The following SGCD variants were observed in gnomAD, a reference collection of about 807,000 sequenced individuals.
SGCD encodes the protein delta-sarcoglycan.
A neutral mutation model predicts 36.6 loss-of-function variants in SGCD; 18 were observed. That is an observed-to-expected ratio of 0.49 (90% CI 0.34 to 0.73). SGCD has a LOEUF of 0.73. Ranked by LOEUF, SGCD falls within the 30% of genes least tolerant of loss-of-function variation. The pLI is 0.01. For synonymous variants in SGCD, 133 were observed against 130.6 expected (o/e 1.02, Z -0.12); for missense variants, 387 against 346.7 (o/e 1.12, Z -0.92).
At chr5:156,521,557 CAAA>C (rs1360092455) in intron 4 of SGCD, among the ~76,000 whole-genome samples, 1 of 152,082 alleles carries the variant, frequency 6.6e-6, no homozygotes, top group African/African-American at 2.4e-5. Flanking sequence ...AGACAGTTCT[CAAA>C]AGAAGGATGC....
At chr5:156,721,840 C>T (rs1342733518) in intron 7 of SGCD, among the ~76,000 whole-genome samples, 1 of 152,134 alleles carries the variant, frequency 6.6e-6, no homozygotes, top group Non-Finnish European at 1.5e-5. Context: ...TGGAAGTCCT[C>T]TTCTGATGGT....
At chr5:156,207,912 TG>T (rs1311465561) in intron 3 of SGCD, among the ~76,000 whole-genome samples, 12 of 152,184 alleles carry the variant, frequency 7.9e-5, no homozygotes, top group African/African-American at 2.9e-4. Flanking sequence ...CAGAATTGAC[TG>T]GTATGTTTAC....
intron 3 of SGCD, among the ~76,000 whole-genome samples, chr5:156,487,868 G>A (rs2312185): frequency 0.48 from 57,027 of 118,572 alleles, 13,474 homozygotes; most frequent in Middle Eastern, 0.64. Flanking sequence ...GCCCAAAAAA[G>A]AATTCAAAAT....
chr5:155,864,682 A>G, the SGCD span, among the ~76,000 whole-genome samples: 8 of 152,348 alleles, frequency 5.3e-5, no homozygotes, highest in South Asian at 8.3e-4. Flanking sequence ...ACCCAGCTAA[A>G]TGGTGGTATT....
At chr5:156,620,611 G>A (rs1304402317) in intron 6 of SGCD, among the ~76,000 whole-genome samples, 1 of 152,142 alleles carries the variant, frequency 6.6e-6, no homozygotes, top group Non-Finnish European at 1.5e-5. Flanking sequence ...AATGGATGGG[G>A]ACAGAGTTTG....
At position 156,365,654 on chromosome 5, in the gene SGCD, G is replaced by T. The variant is rs757540147; in HGVS notation, c.192+20977G>T. 6.2e-4 allele frequency among the ~76,000 whole-genome samples: 95 copies of T among 152,184 alleles called. 1 individual carries two copies. Among genetic ancestry groups the T allele is most frequent in the Admixed American group, 2.2e-3 (33 of 15,286 alleles). ...TACACAGATATACACAGAAGTATTTGTGTATCTGTGTATGCATAAATATGC... is the reference window on the plus strand; with the variant it reads ...TACACAGATATACACAGAAGTATTTTTGTATCTGTGTATGCATAAATATGC... On this transcript the variant is annotated intron_variant, in intron 3 of 8. Transcript: ENST00000337851.
At chr5:156,717,397 T>G (rs1755275018) in intron 7 of SGCD, among the ~76,000 whole-genome samples, 1 of 152,224 alleles carries the variant, frequency 6.6e-6, no homozygotes, top group African/African-American at 2.4e-5. Context: ...TGACGCTCCC[T>G]CATGCCTTGG....
chr5:156,736,079 C>T (rs1167686876), intron 7 of SGCD, among the ~76,000 whole-genome samples: 25 of 152,010 alleles, frequency 1.6e-4, no homozygotes, highest in Admixed American at 1.4e-3. Flanking sequence ...CCAGATGGGC[C>T]GTCGTCCTGC....
At chr5:156,027,973 G>C (rs924826222) in intron 1 of SGCD, among the ~76,000 whole-genome samples, 1 of 152,142 alleles carries the variant, frequency 6.6e-6, no homozygotes, top group Non-Finnish European at 1.5e-5. Context: ...GACAAAAAAG[G>C]GTGGACTCTG....
At chr5:156,189,457 G>A (rs1268299125) in intron 3 of SGCD, among the ~76,000 whole-genome samples, 1 of 152,194 alleles carries the variant, frequency 6.6e-6, no homozygotes, top group East Asian at 1.9e-4. Flanking sequence ...TAGTGATCAT[G>A]TAACAAAGCA....
intron 4 of SGCD, among the ~76,000 whole-genome samples, chr5:156,554,706 T>C (rs1403479876): frequency 1.3e-5 from 2 of 151,198 alleles, no homozygotes; most frequent in Non-Finnish European, 2.9e-5. Flanking sequence ...GCATCCATTG[T>C]GGATCTTTGA....
intron 1 of SGCD, among the ~76,000 whole-genome samples, chr5:156,047,650 G>A (rs974064794): frequency 3.3e-5 from 5 of 151,980 alleles, no homozygotes; most frequent in African/African-American, 4.8e-5. Flanking sequence ...AGCTTGGGGG[G>A]GAAAAAGTTC....
chr5:156,535,704 A>T (rs1217470438), intron 4 of SGCD, among the ~76,000 whole-genome samples: 1 of 152,220 alleles, frequency 6.6e-6, no homozygotes, highest in Non-Finnish European at 1.5e-5. Context: ...TTTTTACACA[A>T]TGATGAATTT....
chr5:155,804,958 G>T, the SGCD span, among the ~76,000 whole-genome samples: 2 of 152,188 alleles, frequency 1.3e-5, no homozygotes, highest in Non-Finnish European at 2.9e-5. Context: ...ACTTTCTGCA[G>T]TGTCCAGCAC....
chr5:155,868,400 G>C (rs138151908), upstream of SGCD, among the ~76,000 whole-genome samples: 2 of 107,774 alleles, frequency 1.9e-5, no homozygotes, highest in East Asian at 5.7e-4. Flanking sequence ...ATCTCACTAT[G>C]TTGACCAGGG....
At chr5:156,388,326 T>G (rs1469667170) in intron 3 of SGCD, among the ~76,000 whole-genome samples, 1 of 152,188 alleles carries the variant, frequency 6.6e-6, no homozygotes, top group Non-Finnish European at 1.5e-5. Flanking sequence ...CCTGGTTCAT[T>G]AGCAGAAAGA....
intron 3 of SGCD, among the ~76,000 whole-genome samples, chr5:156,267,520 G>A (rs923357018): frequency 1.3e-5 from 2 of 152,096 alleles, no homozygotes; most frequent in Non-Finnish European, 2.9e-5. Context: ...GCGGTTTTTC[G>A]GAAACCAGCC....
intron 3 of SGCD, among the ~76,000 whole-genome samples, chr5:156,255,695 A>G (rs936451485): frequency 6.6e-6 from 1 of 151,886 alleles, no homozygotes; most frequent in Admixed American, 6.6e-5. Flanking sequence ...TTTTTTGTGT[A>G]TGTTGTTGTA....
intron 1 of SGCD, among the ~76,000 whole-genome samples, chr5:156,091,979 A>T (rs1268365556): frequency 6.6e-6 from 1 of 152,214 alleles, no homozygotes; most frequent in African/African-American, 2.4e-5. Flanking sequence ...GGAGAAGCAC[A>T]TCCAGATCTA....
Sources: gnomAD v4.1 joint callset for allele counts (sites outside exome capture counted in the v4.1 genomes callset) on GRCh38, gnomAD v4.1.1 for gene constraint, MANE v1.5 for transcripts, NCBI Gene and HGNC (gene_info 2026-07-23, HGNC 2026-07-21) for gene names.